GFRA2: variants seen among roughly 807,000 people sequenced by gnomAD.
The protein encoded by GFRA2 is GDNF family receptor alpha-2.
In GFRA2, 17 loss-of-function variants were observed where a neutral mutation model predicts 48.3. The ratio of observed to expected loss-of-function variants is 0.35; its 90% confidence interval spans 0.24 to 0.53. The LOEUF is 0.53. GFRA2 is among the 20% of genes least tolerant of loss of function. GFRA2 has a pLI of 0.93. For missense variants in GFRA2, 660 were observed against 637.3 expected (o/e 1.04, Z -0.38); for synonymous variants, 305 against 257.2 (o/e 1.19, Z -1.78).
chr8:21,744,854 A>G lies in GFRA2; in HGVS notation c.794+5734T>C, dbSNP rs889436850. ...TGCGATATGAACCAGACAAAGGCCA[A>G]AGACATAAGCCAAGGTTCCTGAGAT... is the stretch of plus-strand genomic sequence containing the variant. On this transcript the variant is annotated intron_variant, in intron 4 of 8. Coordinates refer to ENST00000524240, the MANE Select transcript of GFRA2 (RefSeq NM_001495.5). Among the ~76,000 whole-genome samples, 52 of 152,164 alleles carry G rather than the reference A, an allele frequency of 3.4e-4. 1 individual carries two copies. The highest frequency in any genetic ancestry group is 8.8e-5 in the Non-Finnish European group (6 of 68,034).
At chr8:21,746,019 T>C (rs1422532888) in intron 4 of GFRA2, among the ~76,000 whole-genome samples, 4 of 152,142 alleles carry the variant, frequency 2.6e-5, no homozygotes, top group African/African-American at 7.2e-5. Flanking sequence ...ATCAGAACCA[T>C]AGACTTGTAA....
chr8:21,704,688 G>A (rs1312885695), intron 6 of GFRA2, among the ~76,000 whole-genome samples: 3 of 152,210 alleles, frequency 2.0e-5, no homozygotes, highest in Non-Finnish European at 4.4e-5. Context: ...CGATCCTCAT[G>A]AGAGGGCTCA....
In GFRA2 at chr8:21,690,603, G is replaced by A; in HGVS notation, c.*2675C>T. 6.6e-6 allele frequency: 1 copy of A among 152,254 alleles called. No individual in the cohort carries two copies. The highest frequency in any genetic ancestry group is 2.4e-5 in the African/African-American group (1 of 41,546). 9.4% of individuals were successfully genotyped at this position (152,254 alleles called of 1,614,324 possible). On this transcript the variant is annotated 3_prime_UTR_variant, in exon 9 of 9. Transcript: ENST00000524240. ...CATAATGGCACCTCAGTTTCCTCTT[G>A]GGAAATTTTCTCTCCCCCATGATGT...
intron 4 of GFRA2, among the ~76,000 whole-genome samples, chr8:21,749,291 C>G (rs1227503574): frequency 6.6e-6 from 1 of 151,238 alleles, no homozygotes; most frequent in African/African-American, 2.4e-5. Context: ...TTGGTAAGCA[C>G]TTACTATATT....
Position 21,725,130 on chromosome 8 carries a change from A to T in GFRA2, c.795-19089T>A, listed in dbSNP as rs73554712. On this transcript the variant is annotated intron_variant, in intron 4 of 8. Coordinates refer to ENST00000524240, the MANE Select transcript of GFRA2 (RefSeq NM_001495.5). ...AGCATAGGATGTCACCCAAGCTTCC[A>T]TCTTCAAAGCAGAACCAGCCAGTCT... 2.6e-3 allele frequency among the ~76,000 whole-genome samples: 402 copies of T among 152,376 alleles called. 2 individuals are homozygous for T. The highest frequency in any genetic ancestry group is 9.0e-3 in the African/African-American group (376 of 41,590).
upstream of GFRA2, among the ~76,000 whole-genome samples, chr8:21,790,386 TAAGATG>T (rs1807538636): frequency 6.6e-6 from 1 of 152,258 alleles, no homozygotes; most frequent in Non-Finnish European, 1.5e-5. Flanking sequence ...TAGTACCGTT[TAAGATG>T]CATTCTTAAA....
chr8:21,714,817 C>T (rs1006414075), intron 4 of GFRA2, among the ~76,000 whole-genome samples: 3 of 152,066 alleles, frequency 2.0e-5, no homozygotes, highest in South Asian at 2.1e-4. Flanking sequence ...CAAACAAGGG[C>T]GGCCACCAGC....
chr8:21,801,791 G>A lies in GFRA2; in HGVS notation c.-36+3226C>T, dbSNP rs1166369309. Among the ~76,000 whole-genome samples, 4 of 152,162 alleles carry A rather than the reference G, an allele frequency of 2.6e-5. No individual in the cohort carries two copies. In the East Asian group the frequency reaches 5.8e-4, roughly 22 times the overall value. ...TCCACATCTCATCAGCCCTGAGGAA[G>A]GCGGCATCCCTTCACAAGGTGCTGC... is the stretch of plus-strand genomic sequence containing the variant. On this transcript the variant is annotated intron_variant, in intron 2 of 10. Transcript: ENST00000517328.
chr8:21,705,115 C>T lies in GFRA2; in HGVS notation c.915G>A (p.Met305Ile), dbSNP rs1162058155. 6.2e-7 allele frequency: 1 copy of T among 1,610,034 alleles called. No individual in the cohort carries two copies. Among genetic ancestry groups the T allele is most frequent in the South Asian group, 1.1e-5 (1 of 90,222 alleles). The change falls in exon 6 of 9, where the codon ATG becomes ATA. Residue 305 changes from methionine to isoleucine, a missense_variant. By Grantham distance (10) the Met-to-Ile change is conservative (BLOSUM62 1). Transcript: ENST00000524240. ...GSYAGMIGFDMTPNYVDSSPT... is the reference protein window; with the variant it reads ...GSYAGMIGFDITPNYVDSSPT... Reference sequence around the variant, plus strand: ...GGCTGGAGTCCACATAGTTAGGTGTCATGTCAAACCCTGGGCAGGAAGAAA... The same window carrying T: ...GGCTGGAGTCCACATAGTTAGGTGTTATGTCAAACCCTGGGCAGGAAGAAA...
chr8:21,788,245 G>A lies in GFRA2; in HGVS notation c.-86C>T. ...TAACAACAACAATAATAATAGGCAA[G>A]CAGTGGTAATCAGCCCCAAATCCAA... On this transcript the variant is annotated 5_prime_UTR_variant, in exon 1 of 9. Transcript: ENST00000524240. 1 of 1,547,606 alleles carries A rather than the reference G, an allele frequency of 6.5e-7. No homozygotes were observed. Among genetic ancestry groups the A allele is most frequent in the East Asian group, 2.5e-5 (1 of 39,498 alleles).
intron 8 of GFRA2, 75 bp from the exon 9 acceptor site, chr8:21,693,475 C>G (rs73552633): frequency 7.1e-7 from 1 of 1,415,670 alleles, no homozygotes; most frequent in African/African-American, 1.4e-5. Context: ...GCCTGGGACC[C>G]GGCAGAGAAA....
At chr8:21,771,811 C>T (rs1806450260) in intron 3 of GFRA2, among the ~76,000 whole-genome samples, 1 of 152,064 alleles carries the variant, frequency 6.6e-6, no homozygotes, top group Non-Finnish European at 1.5e-5. Context: ...TCCATGCCTC[C>T]CTCCCTACCC....
intron 7 of GFRA2, among the ~76,000 whole-genome samples, chr8:21,695,141 G>A (rs1802094163): frequency 1.3e-5 from 2 of 152,214 alleles, no homozygotes; most frequent in South Asian, 4.1e-4. Flanking sequence ...GCACACCTGG[G>A]AACACTGTGG....
At chr8:21,799,028 A>G (rs1301404435) in intron 2 of GFRA2, among the ~76,000 whole-genome samples, 3 of 152,160 alleles carry the variant, frequency 2.0e-5, no homozygotes, top group Non-Finnish European at 4.4e-5. Flanking sequence ...TGTAGAATGA[A>G]TGAATGGGCA....
chr8:21,690,493 C>A lies in GFRA2; in HGVS notation c.*2785G>T, dbSNP rs554680156. On this transcript the variant is annotated 3_prime_UTR_variant, in exon 9 of 9. Transcript: ENST00000524240. ...TCATCTCAACCAAAGGAATGAATAC[C>A]TAATGGTAAAATTTCAGCCATGTGA... 7 of 152,160 alleles carry A rather than the reference C, an allele frequency of 4.6e-5. No individual in the cohort carries two copies. Among genetic ancestry groups the A allele is most frequent in the Non-Finnish European group, 1.0e-4 (7 of 68,030 alleles). 9.4% of individuals were successfully genotyped at this position (152,160 alleles called of 1,614,324 possible). A position where few individuals can be genotyped will look rare whatever the true frequency, so the allele number is the denominator to read the frequency against.
intron 3 of GFRA2, among the ~76,000 whole-genome samples, chr8:21,752,498 C>T (rs1422252316): frequency 2.0e-5 from 3 of 152,090 alleles, no homozygotes; most frequent in Non-Finnish European, 2.9e-5. Flanking sequence ...TTGCTGGTCC[C>T]GTCTTCCATA....
At chr8:21,790,758 T>C (rs1405944276), upstream of GFRA2, among the ~76,000 whole-genome samples, 1 of 152,244 alleles carries the variant, frequency 6.6e-6, no homozygotes, top group African/African-American at 2.4e-5. Flanking sequence ...CTGCCCTCCC[T>C]GTCATTCCTC....
At chr8:21,729,525 G>T (rs1804073850) in intron 4 of GFRA2, among the ~76,000 whole-genome samples, 1 of 152,124 alleles carries the variant, frequency 6.6e-6, no homozygotes, top group Non-Finnish European at 1.5e-5. Context: ...CGCACTTACA[G>T]ATTTCCCCTC....
intron 4 of GFRA2, among the ~76,000 whole-genome samples, chr8:21,745,427 C>T (rs531806472): frequency 1.1e-4 from 17 of 152,338 alleles, no homozygotes; most frequent in African/African-American, 3.1e-4. Flanking sequence ...CTTCCAGAGT[C>T]ACAAGCCCAG....
Sources: gnomAD v4.1 joint callset for allele counts (sites outside exome capture counted in the v4.1 genomes callset) on GRCh38, gnomAD v4.1.1 for gene constraint, MANE v1.5 for transcripts, NCBI Gene and HGNC (gene_info 2026-07-23, HGNC 2026-07-21) for gene names.